The following BMP2K variants were observed in gnomAD, a reference collection of about 807,000 sequenced individuals.
BMP2K encodes the protein BMP-2-inducible protein kinase.
Under a neutral mutation model 116.0 loss-of-function variants are expected in BMP2K, and 74 were observed. The observed-to-expected ratio is 0.64, with a 90% CI of 0.53 to 0.77. The LOEUF is 0.77. Ranked by LOEUF, BMP2K falls within the 30% of genes least tolerant of loss-of-function variation. BMP2K has a pLI of 0.00. For synonymous variants in BMP2K, 486 were observed against 502.5 expected, an observed-to-expected ratio of 0.97 and a Z score of 0.44; for missense variants, 1,365 against 1,403.6, an observed-to-expected ratio of 0.97 and a Z score of 0.44.
At chr4:78,854,760 A>G (rs1731420402) in intron 7 of BMP2K, among the ~76,000 whole-genome samples, 1 of 152,058 alleles carries the variant, frequency 6.6e-6, no homozygotes, top group Non-Finnish European at 1.5e-5. Flanking sequence ...TACTACATTT[A>G]AATTTGTTAT....
intron 13 of BMP2K, among the ~76,000 whole-genome samples, chr4:78,873,632 G>T: frequency 6.6e-6 from 1 of 151,424 alleles, no homozygotes; most frequent in East Asian, 1.9e-4. Context: ...AAAGTATGCA[G>T]TTTGCTATAG....
Position 78,822,562 on chromosome 4 carries a change from T to C in BMP2K, c.179-3475T>C, listed in dbSNP as rs546189730. 3.0e-4 allele frequency among the ~76,000 whole-genome samples: 46 copies of C among 152,282 alleles called. No individual in the cohort carries two copies. The South Asian group carries it at 3.5e-3, about 12-fold the overall frequency. On this transcript the variant is annotated intron_variant, in intron 1 of 15. Coordinates refer to ENST00000502613, the MANE Select transcript of BMP2K (RefSeq NM_198892.2). ...CATCAGATCAATTTCATCAGATCAA[T>C]ATCTGTCACAATTTTGCTTTTATGG...
chr4:78,796,304 C>T (rs1028609379), intron 1 of BMP2K, among the ~76,000 whole-genome samples: 3 of 146,700 alleles, frequency 2.0e-5, no homozygotes, highest in Admixed American at 7.2e-5. Context: ...CCAAACACCG[C>T]ATATTCTCAC....
intron 15 of BMP2K, among the ~76,000 whole-genome samples, chr4:78,903,232 A>G (rs1389506691): frequency 1.3e-5 from 2 of 151,962 alleles, no homozygotes; most frequent in South Asian, 2.1e-4. Flanking sequence ...ATGTTCTTGT[A>G]TTTATTTGGT....
At chr4:78,799,678 T>A (rs1728472726) in intron 1 of BMP2K, among the ~76,000 whole-genome samples, 1 of 152,244 alleles carries the variant, frequency 6.6e-6, no homozygotes, top group Non-Finnish European at 1.5e-5. Context: ...TCTAGACTTA[T>A]CTCTGAGTAT....
intron 1 of BMP2K, among the ~76,000 whole-genome samples, chr4:78,800,541 C>T (rs575408742): frequency 9.2e-5 from 14 of 152,146 alleles, no homozygotes; most frequent in Admixed American, 1.3e-4. Context: ...TTTAATGAGC[C>T]GTATACTGGA....
intron 1 of BMP2K, among the ~76,000 whole-genome samples, chr4:78,812,958 C>A (rs575927072): frequency 6.6e-6 from 1 of 151,656 alleles, no homozygotes; most frequent in Non-Finnish European, 1.5e-5. Context: ...GTGGGAGGAT[C>A]GCTTGAGCCT....
chr4:78,798,932 T>C (rs1306820691), intron 1 of BMP2K, among the ~76,000 whole-genome samples: 1 of 152,222 alleles, frequency 6.6e-6, no homozygotes, highest in African/African-American at 2.4e-5. Context: ...ATTTTAAATG[T>C]CTTTCTAGAC....
At chr4:78,882,134 A>G (rs1013953704) in intron 14 of BMP2K, among the ~76,000 whole-genome samples, 1 of 151,978 alleles carries the variant, frequency 6.6e-6, no homozygotes, top group African/African-American at 2.4e-5. Context: ...AAAAAGGAAA[A>G]TAATATGCTG....
chr4:78,830,499 AT>A (rs1273215956), intron 2 of BMP2K, among the ~76,000 whole-genome samples: 2 of 152,184 alleles, frequency 1.3e-5, no homozygotes, highest in Non-Finnish European at 2.9e-5. Context: ...GTCCTTTGAA[AT>A]TTTGAATACA....
intron 1 of BMP2K, among the ~76,000 whole-genome samples, chr4:78,810,979 A>T (rs1474570832): frequency 6.6e-6 from 1 of 151,982 alleles, no homozygotes; most frequent in Non-Finnish European, 1.5e-5. Context: ...TGATATTTTT[A>T]TACGTGTTTT....
intron 14 of BMP2K, chr4:78,879,138 T>C: frequency 8.4e-7 from 1 of 1,194,318 alleles, no homozygotes; most frequent in East Asian, 3.9e-5. Context: ...AACTTAAATA[T>C]TGCATATCTA....
chr4:78,776,816 A>C, intron 1 of BMP2K, 95 bp downstream of exon 1: 1 of 1,098,000 alleles, frequency 9.1e-7, no homozygotes, highest in Non-Finnish European at 1.1e-6. Context: ...ACTGACTCTT[A>C]TACCCCATTC....
intron 3 of BMP2K, among the ~76,000 whole-genome samples, chr4:78,840,433 T>C (rs959362765): frequency 1.4e-4 from 21 of 152,146 alleles, no homozygotes; most frequent in Non-Finnish European, 2.2e-4. Flanking sequence ...CTCTGTGCTC[T>C]CAGGCGATAG....
Position 78,911,425 on chromosome 4 carries a change from G to A in BMP2K, c.2878G>A (p.Asp960Asn), listed in dbSNP as rs1411442936. The A allele has an allele frequency of 2.5e-6, 4 of 1,613,934 alleles. No individual in the cohort carries two copies. The highest frequency in any genetic ancestry group is 3.4e-6 in the Non-Finnish European group (4 of 1,179,898). The part of the protein sequence containing the change: ...NEDLFGLVPF[D>N]EITGSQQQKV... The stretch of plus-strand genomic sequence containing the variant: ...GGACCTTTTTGGGCTTGTGCCCTTT[G>A]ATGAAATAACGGGGAGCCAGCAGCA... Residue 960 changes from aspartate (D) to asparagine (N), a missense_variant, in exon 16 of 16, where the codon GAT becomes AAT. By Grantham distance (23) the Asp-to-Asn change is conservative. Coordinates refer to ENST00000502613, the MANE Select transcript of BMP2K (RefSeq NM_198892.2).
chr4:78,819,669 T>G (rs1023747951), intron 1 of BMP2K, among the ~76,000 whole-genome samples: 2 of 152,224 alleles, frequency 1.3e-5, no homozygotes, highest in African/African-American at 2.4e-5. Flanking sequence ...GTATTCACTT[T>G]TATGTCTGAC....
At chr4:78,809,951 C>T (rs7672242) in intron 1 of BMP2K, among the ~76,000 whole-genome samples, 1,616 of 152,168 alleles carry the variant, frequency 0.011, 24 homozygotes, top group African/African-American at 0.037. Flanking sequence ...GAAAATTGTA[C>T]GTTTGAAATA....
At chr4:78,910,476 A>G (rs1357897390) in intron 15 of BMP2K, 134 bp from the exon 16 acceptor site, 2 of 741,952 alleles carry the variant, frequency 2.7e-6, no homozygotes, top group African/African-American at 3.6e-5. Flanking sequence ...CGAAGAATTG[A>G]CAACATTATT....
At chr4:78,834,602 AT>A (rs1328283694) in intron 3 of BMP2K, among the ~76,000 whole-genome samples, 5 of 152,068 alleles carry the variant, frequency 3.3e-5, no homozygotes, top group African/African-American at 1.2e-4. Context: ...CAAATATTCT[AT>A]TTCCTACAAA....
Sources: gnomAD v4.1 joint callset for allele counts (sites outside exome capture counted in the v4.1 genomes callset) on GRCh38, gnomAD v4.1.1 for gene constraint, MANE v1.5 for transcripts, NCBI Gene and HGNC (gene_info 2026-07-23, HGNC 2026-07-21) for gene names.